Variants in NRCAM observed in about 807,000 individuals in gnomAD.
NRCAM encodes neuronal cell adhesion molecule, also known as NgCAM-related cell adhesion molecule.
Under a neutral mutation model 156.5 loss-of-function variants are expected in NRCAM, and 83 were observed. That is an observed-to-expected ratio of 0.53 (90% CI 0.44 to 0.64). The LOEUF is 0.64. Ranked by LOEUF, NRCAM falls within the 30% of genes least tolerant of loss-of-function variation. The pLI is 0.00. For synonymous variants in NRCAM, 538 were observed against 563.9 expected (o/e 0.95, Z 0.65); for missense variants, 1,417 against 1,597.3 (o/e 0.89, Z 1.92).
rs181457893 is a variant in NRCAM at position 108,348,823 on chromosome 7, A to G, written c.-173-36092T>C. On this transcript the variant is annotated intron_variant, in intron 2 of 32. Transcript: ENST00000379028. The stretch of plus-strand genomic sequence containing the variant: ...GGCTGAGGCAGGAGAATCACTGGAA[A>G]ACCCAGGAAGTGGAGGAAGCAGTGA... Among the ~76,000 whole-genome samples, 134 of 151,844 alleles carry G rather than the reference A, an allele frequency of 8.8e-4. 2 individuals carry two copies. Among genetic ancestry groups the G allele is most frequent in the African/African-American group, 3.1e-3 (128 of 41,354 alleles).
At chr7:108,256,391 A>C (rs2096663300) in intron 3 of NRCAM, among the ~76,000 whole-genome samples, 1 of 149,158 alleles carries the variant, frequency 6.7e-6, no homozygotes, top group Admixed American at 6.7e-5. Flanking sequence ...AGGGCGGTGC[A>C]AGATGTGCTT....
chr7:108,375,344 A>G (rs2193249), intron 2 of NRCAM, among the ~76,000 whole-genome samples: 50,206 of 120,464 alleles, frequency 0.42, 8,916 homozygotes, highest in South Asian at 0.58. Flanking sequence ...AATGATTTTT[A>G]AAGCCCTTCA....
intron 12 of NRCAM, among the ~76,000 whole-genome samples, chr7:108,208,494 A>T (rs1036373100): frequency 6.6e-6 from 1 of 152,176 alleles, no homozygotes; most frequent in African/African-American, 2.4e-5. Context: ...CGAAAAGTTA[A>T]CAATGGTACT....
intron 17 of NRCAM, among the ~76,000 whole-genome samples, chr7:108,192,517 A>G (rs192223251): frequency 6.6e-6 from 1 of 152,090 alleles, no homozygotes; most frequent in Non-Finnish European, 1.5e-5. Flanking sequence ...GTCTTCCATG[A>G]AACCAGTCCC....
chr7:108,196,076 A>G (rs1317530109), intron 14 of NRCAM, among the ~76,000 whole-genome samples: 1 of 152,166 alleles, frequency 6.6e-6, no homozygotes, highest in Non-Finnish European at 1.5e-5. Context: ...CTCCTGCCCT[A>G]CTACTTGCTC....
chr7:108,161,875 A>G (rs920362707), intron 30 of NRCAM, among the ~76,000 whole-genome samples: 4 of 148,038 alleles, frequency 2.7e-5, no homozygotes, highest in Non-Finnish European at 5.9e-5. Flanking sequence ...TTTTCCCAAT[A>G]GGCCCTCGTG....
In NRCAM at chr7:108,149,814, C is replaced by G; in HGVS notation, c.*96G>C. On this transcript the variant is annotated 3_prime_UTR_variant, in exon 33 of 33. Transcript: ENST00000379028. The stretch of plus-strand genomic sequence containing the variant: ...ATACTAACATACAGCAGAAAATATA[C>G]TCTCTACCCATATGTTCATAGTATG... 1 of 944,150 alleles carries G rather than the reference C, an allele frequency of 1.1e-6. No individual in the cohort carries two copies. Among genetic ancestry groups the G allele is most frequent in the Non-Finnish European group, 1.6e-6 (1 of 612,748 alleles). The allele number at this position is 944,150 out of a possible 1,614,324, so 58.5% of individuals were successfully genotyped here. A position where few individuals can be genotyped will look rare whatever the true frequency, so the allele number is the denominator to read the frequency against.
chr7:108,266,068 T>G (rs932422546), intron 3 of NRCAM, among the ~76,000 whole-genome samples: 2 of 152,212 alleles, frequency 1.3e-5, no homozygotes, highest in African/African-American at 4.8e-5. Context: ...CTTTTTTTCA[T>G]AGTATTAATG....
chr7:108,435,544 T>C (rs149602173), intron 1 of NRCAM, among the ~76,000 whole-genome samples: 161 of 152,170 alleles, frequency 1.1e-3, no homozygotes, highest in African/African-American at 3.8e-3. Context: ...CATACTAATA[T>C]ACAGATCTAA....
chr7:108,271,050 T>G (rs2300004), intron 3 of NRCAM, among the ~76,000 whole-genome samples: 5,816 of 152,024 alleles, frequency 0.038, 168 homozygotes, highest in South Asian at 0.12. Flanking sequence ...TGGTTTTCAT[T>G]AGAAAACCCC....
intron 17 of NRCAM, among the ~76,000 whole-genome samples, chr7:108,192,147 G>A (rs903262124): frequency 1.3e-5 from 2 of 152,196 alleles, no homozygotes; most frequent in South Asian, 2.1e-4. Flanking sequence ...GTCCTGTTAG[G>A]AACTGGGCTG....
chr7:108,356,296 T>C (rs932998090), intron 2 of NRCAM, among the ~76,000 whole-genome samples: 2 of 152,208 alleles, frequency 1.3e-5, no homozygotes, highest in African/African-American at 4.8e-5. Flanking sequence ...ATAATTTTTA[T>C]TACAGTATGC....
intron 2 of NRCAM, among the ~76,000 whole-genome samples, chr7:108,313,905 A>G (rs1304555146): frequency 6.6e-6 from 1 of 152,192 alleles, no homozygotes; most frequent in Non-Finnish European, 1.5e-5. Flanking sequence ...CTTAATACAT[A>G]TCCGCCAATT....
At chr7:108,338,027 C>A (rs1010667340) in intron 2 of NRCAM, among the ~76,000 whole-genome samples, 1 of 152,118 alleles carries the variant, frequency 6.6e-6, no homozygotes, top group Admixed American at 6.5e-5. Flanking sequence ...TTTCTAACAA[C>A]CCCCAACCCT....
intron 3 of NRCAM, among the ~76,000 whole-genome samples, chr7:108,298,134 C>T (rs577023829): frequency 3.3e-5 from 5 of 152,270 alleles, no homozygotes; most frequent in East Asian, 1.9e-4. Context: ...AAACTAAATA[C>T]GGATTTAAAT....
intron 2 of NRCAM, among the ~76,000 whole-genome samples, chr7:108,356,779 C>A (rs781384986): frequency 3.9e-5 from 6 of 152,150 alleles, no homozygotes; most frequent in Admixed American, 6.5e-5. Context: ...GGAGCTCCTA[C>A]AGAGCCCTCT....
Position 108,184,242 on chromosome 7 carries a change from T to A in NRCAM, c.2303A>T (p.Lys768Met). The change falls in exon 22 of 33, where the codon AAG becomes ATG. Residue 768 changes from lysine to methionine, a missense_variant and splice_region_variant. By Grantham distance (95) the Lys-to-Met change is moderately conservative. Coordinates refer to ENST00000379028, the MANE Select transcript of NRCAM (RefSeq NM_001037132.4). ...SEPDNLVITWKPLNGFESNGP... is the reference protein window; with the variant it reads ...SEPDNLVITWMPLNGFESNGP... Reference sequence around the variant, plus strand: ...AAATTTGAAGGCATCATAGCTCACCTTCCACGTAATCACCAAATTATCAGG... The same window carrying A: ...AAATTTGAAGGCATCATAGCTCACCATCCACGTAATCACCAAATTATCAGG... 6.2e-7 allele frequency: 1 copy of A among 1,613,450 alleles called. No homozygotes were observed. The highest frequency in any genetic ancestry group is 8.5e-7 in the Non-Finnish European group (1 of 1,179,354).
chr7:108,171,955 A>G (rs916081436), intron 28 of NRCAM, among the ~76,000 whole-genome samples: 2 of 152,198 alleles, frequency 1.3e-5, no homozygotes, highest in Non-Finnish European at 1.5e-5. Context: ...CAGATCACAG[A>G]AGGGATTCAC....
intron 32 of NRCAM, among the ~76,000 whole-genome samples, chr7:108,153,657 C>T (rs1437830625): frequency 1.3e-5 from 2 of 152,000 alleles, no homozygotes; most frequent in African/African-American, 4.8e-5. Context: ...TATCATTATT[C>T]ATAACTGATA....
Sources: allele counts gnomAD v4.1 joint callset (sites outside exome capture counted in the v4.1 genomes callset), GRCh38; gene constraint gnomAD v4.1.1; transcripts MANE v1.5; gene names NCBI Gene and HGNC (gene_info 2026-07-23, HGNC 2026-07-21).